Variants in WWOX observed in about 807,000 individuals in gnomAD.
The protein encoded by WWOX is WW domain containing oxidoreductase.
In WWOX, 69 loss-of-function variants were observed where a neutral mutation model predicts 46.2. The observed-to-expected ratio is 1.49, with a 90% confidence interval of 1.23 to 1.82. The LOEUF is 1.82. Ranked by LOEUF, WWOX falls within the 40% of genes most tolerant of loss-of-function variation. WWOX has a pLI of 0.00. For synonymous variants in WWOX, 359 were observed against 202.6 expected, an observed-to-expected ratio of 1.77 and a Z score of -6.56; for missense variants, 919 against 542.6, an observed-to-expected ratio of 1.69 and a Z score of -6.89.
intron 8 of WWOX, among the ~76,000 whole-genome samples, chr16:78,557,142 C>G (rs969183729): frequency 2.0e-5 from 3 of 152,128 alleles, no homozygotes; most frequent in Non-Finnish European, 2.9e-5. Context: ...TTTGGACTTC[C>G]TTTTTGTAGT....
intron 6 of WWOX, among the ~76,000 whole-genome samples, chr16:78,421,728 A>G (rs1180150974): frequency 6.6e-6 from 1 of 152,212 alleles, no homozygotes; most frequent in African/African-American, 2.4e-5. Flanking sequence ...TGGAAAAACA[A>G]CAGTAAAGCT....
At chr16:78,562,590 G>A (rs968720340) in intron 8 of WWOX, among the ~76,000 whole-genome samples, 1 of 152,154 alleles carries the variant, frequency 6.6e-6, no homozygotes, top group Non-Finnish European at 1.5e-5. Flanking sequence ...TGACCCTGCT[G>A]GGCCTGTCAC....
chr16:78,171,910 G>A (rs981466316), intron 5 of WWOX, among the ~76,000 whole-genome samples: 4 of 152,148 alleles, frequency 2.6e-5, no homozygotes, highest in Non-Finnish European at 5.9e-5. Flanking sequence ...CCTGCAGGTG[G>A]GGGGTTGGAT....
intron 8 of WWOX, among the ~76,000 whole-genome samples, chr16:79,090,280 C>CAT (rs1555525605): frequency 1.4e-5 from 2 of 138,284 alleles, no homozygotes; most frequent in African/African-American, 5.3e-5. Context: ...CTACTGTGTG[C>CAT]GTGTGTGTGT....
intron 8 of WWOX, among the ~76,000 whole-genome samples, chr16:78,508,747 C>T (rs576768950): frequency 6.6e-6 from 1 of 152,310 alleles, no homozygotes; most frequent in South Asian, 2.1e-4. Flanking sequence ...CCGGGATCTG[C>T]AGATCTGAGC....
chr16:79,043,210 A>T (rs960930749), intron 8 of WWOX, among the ~76,000 whole-genome samples: 1 of 152,156 alleles, frequency 6.6e-6, no homozygotes. Flanking sequence ...ATGAAAAAAA[A>T]ATCTATGTAT....
chr16:78,638,793 A>G (rs183550739), intron 8 of WWOX, among the ~76,000 whole-genome samples: 12 of 152,286 alleles, frequency 7.9e-5, no homozygotes, highest in Admixed American at 2.0e-4. Flanking sequence ...AGGAATTCAC[A>G]GTAAAATCAG....
At chr16:78,809,967 C>T (rs1176075309) in intron 8 of WWOX, among the ~76,000 whole-genome samples, 2 of 152,200 alleles carry the variant, frequency 1.3e-5, no homozygotes, top group African/African-American at 4.8e-5. Flanking sequence ...GTATCCTGTT[C>T]ATCTGGCAAA....
intron 8 of WWOX, among the ~76,000 whole-genome samples, chr16:78,881,823 G>T (rs117050063): frequency 1.3e-5 from 2 of 152,170 alleles, no homozygotes; most frequent in African/African-American, 4.8e-5. Flanking sequence ...TTTTCTTCTC[G>T]AATTAGAAGA....
chr16:78,451,018 C>T (rs753699815), intron 8 of WWOX, among the ~76,000 whole-genome samples: 3 of 152,274 alleles, frequency 2.0e-5, no homozygotes, highest in Admixed American at 6.5e-5. Context: ...ATCCCTAACC[C>T]GGAAGAGTCT....
chr16:79,008,924 C>G (rs1016026268), intron 8 of WWOX, among the ~76,000 whole-genome samples: 2 of 152,202 alleles, frequency 1.3e-5, no homozygotes, highest in African/African-American at 4.8e-5. Context: ...AAAAATGTCT[C>G]CACCCTTCTA....
intron 8 of WWOX, among the ~76,000 whole-genome samples, chr16:79,170,210 T>G (rs1220913621): frequency 6.6e-6 from 1 of 152,210 alleles, no homozygotes; most frequent in Non-Finnish European, 1.5e-5. Context: ...CTATGTTCCT[T>G]TTGCACATTT....
chr16:78,782,223 A>C (rs989469688), intron 8 of WWOX, among the ~76,000 whole-genome samples: 1 of 151,834 alleles, frequency 6.6e-6, no homozygotes, highest in Non-Finnish European at 1.5e-5. Context: ...GATTGACCCC[A>C]CTGGACTTCT....
At chr16:78,608,248 G>T (rs185614073) in intron 8 of WWOX, among the ~76,000 whole-genome samples, 7 of 152,220 alleles carry the variant, frequency 4.6e-5, no homozygotes, top group Non-Finnish European at 8.8e-5. Flanking sequence ...ATACACTCAG[G>T]ACCAGGATGC....
At chr16:78,217,067 C>G (rs1006735581) in intron 5 of WWOX, among the ~76,000 whole-genome samples, 1 of 152,180 alleles carries the variant, frequency 6.6e-6, no homozygotes, top group African/African-American at 2.4e-5. Flanking sequence ...CTTAATTTCA[C>G]CGGTAACCTG....
intron 8 of WWOX, among the ~76,000 whole-genome samples, chr16:79,042,854 A>G (rs2047998670): frequency 6.6e-6 from 1 of 152,178 alleles, no homozygotes; most frequent in Non-Finnish European, 1.5e-5. Context: ...TATAGCTCAA[A>G]TTTAATTAAA....
At chr16:78,679,874 A>T (rs2047689043) in intron 8 of WWOX, among the ~76,000 whole-genome samples, 1 of 152,202 alleles carries the variant, frequency 6.6e-6, no homozygotes, top group African/African-American at 2.4e-5. Flanking sequence ...GCATTTGCTT[A>T]GGTGGGCTCT....
intron 5 of WWOX, among the ~76,000 whole-genome samples, chr16:78,227,437 A>G (rs1013836661): frequency 6.6e-6 from 1 of 152,166 alleles, no homozygotes; most frequent in South Asian, 2.1e-4. Context: ...ATCTCTGAAA[A>G]TATCTCTCAT....
intron 8 of WWOX, chr16:78,535,585 G>C (rs575445221): frequency 4.6e-5 from 7 of 152,304 alleles, no homozygotes; most frequent in Admixed American, 1.3e-4. Context: ...ACGGACCTTT[G>C]AAATATTTTT....
Sources: allele counts gnomAD v4.1 joint callset (sites outside exome capture counted in the v4.1 genomes callset), GRCh38; gene constraint gnomAD v4.1.1; transcripts MANE v1.5; gene names NCBI Gene and HGNC (gene_info 2026-07-23, HGNC 2026-07-21).